Variants in SMIM14 observed in about 807,000 individuals in gnomAD.
SMIM14 encodes chromosome 4 open reading frame 34.
In SMIM14, 5 loss-of-function variants were observed where a neutral mutation model predicts 12.6. The ratio of observed to expected loss-of-function variants is 0.40; its 90% CI spans 0.21 to 0.83. The LOEUF is 0.83. SMIM14 is among the 40% of genes least tolerant of loss of function. The probability of loss-of-function intolerance (pLI) is 0.37; values close to 1 mark genes in which losing one functional copy is unlikely to be tolerated. For synonymous variants in SMIM14, 30 were observed against 40.1 expected (o/e 0.75, Z 0.95); for missense variants, 86 against 119.1 (o/e 0.72, Z 1.29).
chr4:39,580,173 T>C (rs1011116077), intron 2 of SMIM14, among the ~76,000 whole-genome samples: 5 of 149,116 alleles, frequency 3.4e-5, no homozygotes, highest in Non-Finnish European at 7.4e-5. Flanking sequence ...ATATTTTGTG[T>C]GTGGTTTTAT....
intron 1 of SMIM14, chr4:39,638,303 A>G (rs1483469799): frequency 4.4e-6 from 1 of 226,192 alleles, no homozygotes; most frequent in Admixed American, 6.5e-5. Flanking sequence ...CAAAGGACGC[A>G]TCCTAGTGAC....
intron 3 of SMIM14, among the ~76,000 whole-genome samples, chr4:39,567,421 T>C (rs1187809237): frequency 6.6e-6 from 1 of 151,688 alleles, no homozygotes; most frequent in African/African-American, 2.4e-5. Flanking sequence ...CTGGGCAACA[T>C]GCAAAACCCT....
chr4:39,553,825 C>T (rs1417777511), intron 4 of SMIM14, among the ~76,000 whole-genome samples: 1 of 151,772 alleles, frequency 6.6e-6, no homozygotes, highest in Non-Finnish European at 1.5e-5. Flanking sequence ...AACTCCTGAC[C>T]TCAGGTGATC....
rs1317980841 is a variant in SMIM14 at position 39,572,468 on chromosome 4, A to G, written c.76-5T>C. 8 of 1,606,142 alleles carry G rather than the reference A, an allele frequency of 5.0e-6. No homozygotes were observed. The highest frequency in any genetic ancestry group is 6.8e-6 in the Non-Finnish European group (8 of 1,174,384). ...GTAGGACTGGGACTGCCGTAACTACAATGAATAAGAAAGGGAAGTTAGTGA... is the reference window on the plus strand; with the variant it reads ...GTAGGACTGGGACTGCCGTAACTACGATGAATAAGAAAGGGAAGTTAGTGA... On this transcript the variant is annotated splice_region_variant and splice_polypyrimidine_tract_variant and intron_variant, in intron 2 of 4. Transcript: ENST00000295958.
At chr4:39,632,478 C>CAAAA (rs71192888) in intron 1 of SMIM14, among the ~76,000 whole-genome samples, 2 of 88,752 alleles carry the variant, frequency 2.3e-5, no homozygotes, top group African/African-American at 4.6e-5. Context: ...GACTCCGTCT[C>CAAAA]AAAAAAAAAA....
chr4:39,566,349 C>T (rs1266144240), intron 3 of SMIM14, among the ~76,000 whole-genome samples: 3 of 152,084 alleles, frequency 2.0e-5, no homozygotes, highest in South Asian at 2.1e-4. Flanking sequence ...CCTTGTTAGA[C>T]ATCCCAGTGG....
At chr4:39,602,852 T>G (rs1203878007) in intron 2 of SMIM14, among the ~76,000 whole-genome samples, 1 of 152,236 alleles carries the variant, frequency 6.6e-6, no homozygotes, top group African/African-American at 2.4e-5. Flanking sequence ...GATCACTATA[T>G]GTAGCAACAC....
At chr4:39,556,678 T>C (rs1712032030) in intron 3 of SMIM14, 108 bp from the exon 4 acceptor site, 6 of 1,021,270 alleles carry the variant, frequency 5.9e-6, no homozygotes, top group Admixed American at 3.5e-5. Context: ...AAAAATTGTA[T>C]TGATAAATTA....
chr4:39,593,531 A>G (rs1250552121), intron 2 of SMIM14: 1 of 152,202 alleles, frequency 6.6e-6, no homozygotes, highest in East Asian at 1.9e-4. Flanking sequence ...CCTATTCAAC[A>G]TAGTGTTGGA....
rs572753055 is a variant in SMIM14, at chr4:39,576,458, A to G, written c.76-3995T>C. Among the ~76,000 whole-genome samples the G allele has an allele frequency of 6.6e-5, 10 of 151,188 alleles. No individual in the cohort carries two copies. The South Asian group carries it at 1.9e-3, about 28-fold the overall frequency. ...TAGGTGACAAGGTGCCCTGCCTGTG[A>G]GTCAGTATCAAGGAACCAAAAGGCC... On this transcript the variant is annotated intron_variant, in intron 2 of 4. Coordinates refer to ENST00000295958, the MANE Select transcript of SMIM14 (RefSeq NM_174921.3).
At chr4:39,604,048 C>T (rs1714714987) in intron 2 of SMIM14, among the ~76,000 whole-genome samples, 3 of 151,346 alleles carry the variant, frequency 2.0e-5, no homozygotes, top group Admixed American at 2.0e-4. Context: ...CATAGAGATT[C>T]GTATTGTCAT....
intron 1 of SMIM14, among the ~76,000 whole-genome samples, chr4:39,622,505 AT>A (rs1560308651): frequency 1.3e-5 from 2 of 152,128 alleles, no homozygotes; most frequent in African/African-American, 4.8e-5. Context: ...GATTCAAGTG[AT>A]TCTCCTGCCC....
intron 2 of SMIM14, among the ~76,000 whole-genome samples, chr4:39,592,114 T>C (rs989099587): frequency 2.0e-5 from 3 of 152,076 alleles, no homozygotes; most frequent in African/African-American, 7.2e-5. Flanking sequence ...GAGGATCGCT[T>C]GAGCCCAGGA....
chr4:39,635,212 G>A (rs1377283695), intron 1 of SMIM14, among the ~76,000 whole-genome samples: 1 of 152,136 alleles, frequency 6.6e-6, no homozygotes. Context: ...GCAAGTTCCA[G>A]GGACAAAAAT....
intron 4 of SMIM14, among the ~76,000 whole-genome samples, chr4:39,556,073 C>A (rs1378195632): frequency 6.6e-6 from 1 of 151,090 alleles, no homozygotes; most frequent in East Asian, 1.9e-4. Context: ...ACTTGGGAGG[C>A]TGAGGTGGGA....
At chr4:39,556,243 A>G (rs966941750) in intron 4 of SMIM14, among the ~76,000 whole-genome samples, 185 bp downstream of exon 4, 12 of 152,142 alleles carry the variant, frequency 7.9e-5, no homozygotes, top group Non-Finnish European at 2.9e-5. Context: ...ATTTAACTCC[A>G]TAAAGATTAA....
In SMIM14 at chr4:39,617,466, ATAAT is replaced by A. The variant is rs2110069854; in HGVS notation, c.-35-12290_-35-12287del. ...CCATAGCCATTAGCTCTAGGGAAAA[ATAAT>A]TATATCTCAATTTACTCGAACTGAA... is the stretch of plus-strand genomic sequence containing the variant. On this transcript the variant is annotated intron_variant, in intron 1 of 4. Transcript: ENST00000295958. 2.0e-5 allele frequency among the ~76,000 whole-genome samples: 3 copies of A among 152,328 alleles called. No individual in the cohort carries two copies. In the South Asian group the frequency reaches 6.2e-4, roughly 32 times the overall value.
At chr4:39,576,317 T>C (rs1713167204) in intron 2 of SMIM14, among the ~76,000 whole-genome samples, 1 of 151,858 alleles carries the variant, frequency 6.6e-6, no homozygotes, top group African/African-American at 2.4e-5. Flanking sequence ...AGAAGGGCAG[T>C]TGAGTAGCCA....
chr4:39,591,006 G>T (rs947166576), intron 2 of SMIM14, among the ~76,000 whole-genome samples: 9 of 151,962 alleles, frequency 5.9e-5, no homozygotes, highest in African/African-American at 2.2e-4. Context: ...CTTGGTATCT[G>T]CAGGGGCTTG....
Sources: allele counts gnomAD v4.1 joint callset (sites outside exome capture counted in the v4.1 genomes callset), GRCh38; gene constraint gnomAD v4.1.1; transcripts MANE v1.5; gene names NCBI Gene and HGNC (gene_info 2026-07-23, HGNC 2026-07-21).